The following NEBL variants were observed in gnomAD, a reference collection of about 807,000 sequenced individuals.
The protein encoded by NEBL is LIM and SH3 protein 2.
In NEBL, 122 loss-of-function variants were observed where a neutral mutation model predicts 140.2. The observed-to-expected ratio is 0.87, with a 90% CI of 0.75 to 1.01. The LOEUF is 1.01. Among genes scored for constraint, NEBL ranks in the 50% least tolerant of loss-of-function variants. The pLI, the probability that NEBL is intolerant of heterozygous loss-of-function variation, is 0.00. For synonymous variants in NEBL, 436 were observed against 398.9 expected (o/e 1.09, Z -1.11); for missense variants, 1,365 against 1,231.3 (o/e 1.11, Z -1.62).
intron 1 of NEBL, among the ~76,000 whole-genome samples, chr10:21,265,460 C>A (rs983438083): frequency 6.6e-6 from 1 of 152,026 alleles, no homozygotes; most frequent in Non-Finnish European, 1.5e-5. Flanking sequence ...CATCATACCC[C>A]AAAAAATAGT....
At chr10:20,999,588 G>T (rs781356767) in intron 3 of NEBL, among the ~76,000 whole-genome samples, 1 of 152,170 alleles carries the variant, frequency 6.6e-6, no homozygotes, top group Non-Finnish European at 1.5e-5. Context: ...AACAGAGTGA[G>T]ACCCTGTCTC....
chr10:21,289,076 T>C (rs1843107536), intron 1 of NEBL, among the ~76,000 whole-genome samples: 1 of 151,558 alleles, frequency 6.6e-6, no homozygotes, highest in Admixed American at 6.6e-5. Context: ...CTTGAACTCC[T>C]GATCTCGTGA....
intron 2 of NEBL, among the ~76,000 whole-genome samples, chr10:21,021,750 C>G (rs1838803381): frequency 6.6e-6 from 1 of 152,170 alleles, no homozygotes; most frequent in Non-Finnish European, 1.5e-5. Flanking sequence ...GCCTCTGCCT[C>G]ACAGTACAAC....
intron 3 of NEBL, among the ~76,000 whole-genome samples, chr10:20,987,563 C>A (rs998345594): frequency 6.6e-6 from 1 of 152,170 alleles, no homozygotes; most frequent in African/African-American, 2.4e-5. Flanking sequence ...CTCTGCCTCC[C>A]ACCACCAGAG....
intron 2 of NEBL, among the ~76,000 whole-genome samples, chr10:21,077,585 C>T (rs768657114): frequency 4.0e-5 from 6 of 151,144 alleles, no homozygotes; most frequent in South Asian, 2.1e-4. Flanking sequence ...CCAGCCTGGG[C>T]GACAGAGCAA....
At chr10:20,844,750 T>C (rs1432180569) in intron 12 of NEBL, among the ~76,000 whole-genome samples, 4 of 152,060 alleles carry the variant, frequency 2.6e-5, no homozygotes, top group African/African-American at 9.7e-5. Flanking sequence ...GTAGCATTTA[T>C]CCAGACCTTC....
intron 3 of NEBL, among the ~76,000 whole-genome samples, chr10:21,195,001 A>T (rs1471808860): frequency 6.6e-6 from 1 of 152,148 alleles, no homozygotes; most frequent in Non-Finnish European, 1.5e-5. Context: ...GCCAGACTGG[A>T]TAGAGAGAAC....
intron 1 of NEBL, among the ~76,000 whole-genome samples, chr10:21,279,835 C>T (rs967066961): frequency 2.6e-5 from 4 of 151,894 alleles, no homozygotes; most frequent in African/African-American, 4.8e-5. Context: ...ATGTGTCCCA[C>T]GGGCCATCAT....
intron 2 of NEBL, among the ~76,000 whole-genome samples, chr10:21,102,675 T>C (rs1837527833): frequency 6.6e-6 from 1 of 152,220 alleles, no homozygotes; most frequent in Non-Finnish European, 1.5e-5. Flanking sequence ...TTATGAGTAC[T>C]ATTGCATTGT....
At chr10:20,939,957 G>C (rs981142680) in intron 4 of NEBL, among the ~76,000 whole-genome samples, 2 of 151,722 alleles carry the variant, frequency 1.3e-5, no homozygotes, top group Non-Finnish European at 2.9e-5. Context: ...GACCCAGAAA[G>C]AGAATTAGAC....
At position 21,187,642 on chromosome 10, in the gene NEBL, T is replaced by C. The variant is rs376791140; in HGVS notation, n.349-15165A>G. Among the ~76,000 whole-genome samples, 44 of 152,030 alleles carry C rather than the reference T, an allele frequency of 2.9e-4. No homozygotes were observed. The South Asian group carries it at 8.5e-3, about 29-fold the overall frequency. On this transcript the variant is annotated intron_variant and non_coding_transcript_variant, in intron 3 of 8. Transcript: ENST00000675702. ...GATTCTCCCACCTCAGCCTCCTGAGTAGCTGGGACTACAGGTGTGCACCAC... is the reference window on the plus strand; with the variant it reads ...GATTCTCCCACCTCAGCCTCCTGAGCAGCTGGGACTACAGGTGTGCACCAC...
chr10:20,908,669 C>T (rs1469723801), intron 4 of NEBL, among the ~76,000 whole-genome samples: 3 of 152,148 alleles, frequency 2.0e-5, no homozygotes, highest in Non-Finnish European at 4.4e-5. Context: ...ACAATCTCTG[C>T]TCTGCAGCAT....
At chr10:20,931,897 A>T (rs7902325) in intron 4 of NEBL, among the ~76,000 whole-genome samples, 22 of 152,110 alleles carry the variant, frequency 1.4e-4, no homozygotes, top group Admixed American at 8.5e-4. Context: ...AATAATAAAG[A>T]AATCAAACAT....
At position 20,808,545 on chromosome 10, in the gene NEBL, C is replaced by T. The variant is rs779981743; in HGVS notation, c.2726G>A (p.Cys909Tyr). ...EISEIYPSFS[C>Y]CSEVTRPSDE... Reference sequence around the variant, plus strand: ...AGACGGTCTTGTTACCTCACTGCAGCATGAAAAGCTAGGGTAAATCTCGGA... The same window carrying T: ...AGACGGTCTTGTTACCTCACTGCAGTATGAAAAGCTAGGGTAAATCTCGGA... The change falls in exon 26 of 28, where the codon TGC becomes TAC. Residue 909 changes from cysteine to tyrosine, a missense_variant. Around this residue, in one of 2 missense-constraint regions of NEBL, gnomAD observed 1,323 missense variants for 1,154.8 expected, o/e 1.15. Transcript: ENST00000377122. 8.7e-6 allele frequency: 14 copies of T among 1,613,924 alleles called. No homozygotes were observed. The highest frequency in any genetic ancestry group is 1.1e-5 in the Non-Finnish European group (13 of 1,179,900).
In NEBL at chr10:21,195,017, C is replaced by T. The variant is rs1402570269; in HGVS notation, n.349-22540G>A. ...CCAGACTGGATAGAGAGAACTTGAA[C>T]ACGAATGGGACACAGGAGAGAAGTG... On this transcript the variant is annotated intron_variant and non_coding_transcript_variant, in intron 3 of 8. Transcript: ENST00000675702. Among the ~76,000 whole-genome samples the T allele has an allele frequency of 2.0e-5, 3 of 152,266 alleles. No homozygotes were observed. In the East Asian group the frequency reaches 5.8e-4, roughly 29 times the overall value.
intron 3 of NEBL, among the ~76,000 whole-genome samples, chr10:20,992,406 G>A (rs1837492388): frequency 6.6e-6 from 1 of 152,168 alleles, no homozygotes; most frequent in Admixed American, 6.5e-5. Context: ...ACCCATAAGA[G>A]TCTTTAATTC....
Position 21,220,743 on chromosome 10 carries a change from T to C in NEBL, n.348+27178A>G, listed in dbSNP as rs151107353. Among the ~76,000 whole-genome samples the C allele has an allele frequency of 3.9e-3, 592 of 152,252 alleles. 5 individuals carry two copies. The highest frequency in any genetic ancestry group is 0.014 in the African/African-American group (570 of 41,546). ...GGAATGGGAGAAAATAATCTGCAAA[T>C]CATACATCAGATAAGAAGTTAATAT... On this transcript the variant is annotated intron_variant and non_coding_transcript_variant, in intron 3 of 8. Coordinates refer to the NEBL transcript ENST00000675702.
chr10:20,986,444 G>A (rs961067452), intron 3 of NEBL, among the ~76,000 whole-genome samples: 3 of 152,132 alleles, frequency 2.0e-5, no homozygotes, highest in Admixed American at 2.0e-4. Flanking sequence ...GATCCTAACT[G>A]AGCAACTTAA....
chr10:20,929,123 G>C (rs1457474742), intron 4 of NEBL, among the ~76,000 whole-genome samples: 1 of 152,054 alleles, frequency 6.6e-6, no homozygotes, highest in Non-Finnish European at 1.5e-5. Context: ...TATCTACCCA[G>C]AGGAAAAGAA....
Sources: gnomAD v4.1 joint callset for allele counts (sites outside exome capture counted in the v4.1 genomes callset) on GRCh38, gnomAD v4.1.1 for gene constraint, gnomAD v4.1.1 regional missense constraint, MANE v1.5 for transcripts, NCBI Gene and HGNC (gene_info 2026-07-23, HGNC 2026-07-21) for gene names.